Variants in MYO7A observed in about 807,000 individuals in gnomAD.
MYO7A encodes the protein unconventional myosin-VIIa.
In MYO7A, 210 loss-of-function variants were observed where a neutral mutation model predicts 263.8. The ratio of observed to expected loss-of-function variants is 0.80; its 90% CI spans 0.71 to 0.89. The LOEUF (loss-of-function observed/expected upper bound fraction) is 0.89. Among genes scored for constraint, MYO7A ranks in the 40% least tolerant of loss-of-function variants. The pLI, the probability that MYO7A is intolerant of heterozygous loss-of-function variation, is 0.00. For missense variants in MYO7A, 2,820 were observed against 2,968.3 expected, an observed-to-expected ratio of 0.95 and a Z score of 1.16; for synonymous variants, 1,239 against 1,197.3, an observed-to-expected ratio of 1.03 and a Z score of -0.72.
rs1013179496 is a variant in MYO7A at position 77,190,813 on chromosome 11, C to A, written c.3867C>A (p.Asp1289Glu). The A allele has an allele frequency of 2.5e-6, 4 of 1,591,400 alleles. No homozygotes were observed. The highest frequency in any genetic ancestry group is 1.3e-5 in the African/African-American group (1 of 74,318). ...TAKELCNALA[D>E]KISLKDRFGF... ...AGGAGCTCTGCAACGCGCTGGCCGA[C>A]AAGATCTCTCTCAAGGACCGGTTCG... The change falls in exon 30 of 49, where the codon GAC (aspartate) becomes GAA (glutamate). Residue 1289 changes from aspartate to glutamate, a missense_variant. By Grantham distance (45) the Asp-to-Glu change is conservative. Coordinates refer to ENST00000409709, the MANE Select transcript of MYO7A (RefSeq NM_000260.4).
At chr11:77,201,866 G>A in intron 36 of MYO7A, among the ~76,000 whole-genome samples, 1 of 141,354 alleles carries the variant, frequency 7.1e-6, no homozygotes, top group South Asian at 2.6e-4. Flanking sequence ...GGCCGGGGGT[G>A]GGGATTGGAG....
At position 77,156,586 on chromosome 11, in the gene MYO7A, A is replaced by G. The variant is rs532218248; in HGVS notation, c.471-74A>G. 1.3e-5 allele frequency: 21 copies of G among 1,596,188 alleles called. No individual in the cohort carries two copies. In the African/African-American group the frequency reaches 2.1e-4, roughly 16 times the overall value. On this transcript the variant is annotated intron_variant, in intron 5 of 48. Transcript: ENST00000409709. ...AGATGGGGGAGCTGGTGGATGGTGC[A>G]GCCTGGGCTGAGTTCCAGTTGGTGG...
chr11:77,198,999 G>C (rs914613899), intron 34 of MYO7A, among the ~76,000 whole-genome samples: 4 of 152,192 alleles, frequency 2.6e-5, no homozygotes, highest in African/African-American at 9.7e-5. Flanking sequence ...ATAATAGATG[G>C]GAGAGCTCTT....
chr11:77,132,942 G>A (rs1351075683), intron 2 of MYO7A, among the ~76,000 whole-genome samples: 2 of 152,178 alleles, frequency 1.3e-5, no homozygotes, highest in Non-Finnish European at 2.9e-5. Context: ...CCCGGGGCTC[G>A]GGTTCTTTTT....
At chr11:77,187,691 C>T (rs782161163) in intron 27 of MYO7A, among the ~76,000 whole-genome samples, 3 of 152,166 alleles carry the variant, frequency 2.0e-5, no homozygotes, top group Non-Finnish European at 4.4e-5. Flanking sequence ...AAAATCAACT[C>T]AGCTGATGAG....
At chr11:77,141,281 C>A (rs931550003) in intron 2 of MYO7A, among the ~76,000 whole-genome samples, 1 of 152,184 alleles carries the variant, frequency 6.6e-6, no homozygotes, top group Admixed American at 6.5e-5. Context: ...CTTGGACTCA[C>A]TGAGTTCAGC....
intron 45 of MYO7A, 79 bp from the exon 46 acceptor site, chr11:77,211,742 C>A: frequency 8.9e-7 from 1 of 1,125,714 alleles, no homozygotes; most frequent in Non-Finnish European, 1.3e-6. Context: ...GTGGGGAGGA[C>A]TCTGAGCTCT....
intron 15 of MYO7A, among the ~76,000 whole-genome samples, chr11:77,169,162 C>A (rs1353297220): frequency 6.6e-6 from 1 of 152,216 alleles, no homozygotes; most frequent in Non-Finnish European, 1.5e-5. Context: ...ATGCTCCCAT[C>A]AGGATGGAAG....
intron 13 of MYO7A, 143 bp from the exon 14 acceptor site, chr11:77,162,710 G>A (rs1429198246): frequency 4.7e-5 from 50 of 1,063,680 alleles, no homozygotes; most frequent in Non-Finnish European, 6.4e-5. Context: ...GGGGAAATGG[G>A]GTTCCAGAGA....
intron 15 of MYO7A, 63 bp from the exon 16 acceptor site, chr11:77,172,685 G>A (rs1363370752): frequency 1.2e-5 from 19 of 1,541,536 alleles, no homozygotes; most frequent in African/African-American, 2.7e-5. Flanking sequence ...CCTACTGGGC[G>A]GCTCCTGGGA....
intron 16 of MYO7A, among the ~76,000 whole-genome samples, chr11:77,174,413 C>T (rs960556626): frequency 6.6e-6 from 1 of 152,192 alleles, no homozygotes; most frequent in African/African-American, 2.4e-5. Context: ...GGCTTCCAAA[C>T]CTTTGCACAG....
rs142949948 is a variant in MYO7A at position 77,129,084 on chromosome 11, T to C, written c.-47+595T>C. On this transcript the variant is annotated intron_variant, in intron 1 of 48. Coordinates refer to ENST00000409709, the MANE Select transcript of MYO7A (RefSeq NM_000260.4). ...ATGTCTGTCTGGTCATTTTAAAATG[T>C]GGCCCTTAAATTTCACGCCCTCACC... Among the ~76,000 whole-genome samples, 555 of 152,358 alleles carry C rather than the reference T, an allele frequency of 3.6e-3. 3 individuals are homozygous for C. Among genetic ancestry groups the C allele is most frequent in the African/African-American group, 0.013 (536 of 41,584 alleles).
chr11:77,182,543 G>A lies in MYO7A; in HGVS notation c.3228G>A (p.Glu1076=), dbSNP rs1555085540. Residue 1076 remains glutamate (E), a synonymous_variant, in exon 25 of 49, where the codon GAG becomes GAA. Coordinates refer to ENST00000409709, the MANE Select transcript of MYO7A (RefSeq NM_000260.4). ...TCCCTGTGATGACCAAGATTTATGA[G>A]ACCCTGGGCAAGAAGACGTACAAGA... is the stretch of plus-strand genomic sequence containing the variant. The part of the protein sequence containing the change: ...EKIPVMTKIY[E]TLGKKTYKRE... 6.2e-7 allele frequency: 1 copy of A among 1,613,414 alleles called. No individual in the cohort carries two copies. The highest frequency in any genetic ancestry group is 1.1e-5 in the South Asian group (1 of 91,082).
chr11:77,195,770 G>T (rs1956609985), intron 32 of MYO7A, among the ~76,000 whole-genome samples: 1 of 152,200 alleles, frequency 6.6e-6, no homozygotes, highest in South Asian at 2.1e-4. Flanking sequence ...TTGTAGGGTG[G>T]GAGGGTGCAT....
chr11:77,207,106 C>A, intron 41 of MYO7A, 183 bp from the exon 42 acceptor site: 1 of 530,524 alleles, frequency 1.9e-6, no homozygotes, highest in East Asian at 3.0e-5. Flanking sequence ...GAGGAGGAGA[C>A]CTGGGAAGAC....
intron 4 of MYO7A, among the ~76,000 whole-genome samples, chr11:77,151,758 T>C (rs1555057299): frequency 6.6e-6 from 1 of 152,228 alleles, no homozygotes; most frequent in East Asian, 1.9e-4. Context: ...GCTAAGACCT[T>C]GGAGGACCGA....
intron 2 of MYO7A, among the ~76,000 whole-genome samples, chr11:77,133,420 G>A (rs1950823664): frequency 6.6e-6 from 1 of 152,236 alleles, no homozygotes; most frequent in South Asian, 2.1e-4. Context: ...AGATAAATTT[G>A]TGGGCTGTTG....
At chr11:77,195,176 C>T (rs943181372) in intron 32 of MYO7A, among the ~76,000 whole-genome samples, 1 of 152,124 alleles carries the variant, frequency 6.6e-6, no homozygotes, top group East Asian at 1.9e-4. Context: ...TCGTGGCCTC[C>T]GTCCTCACCC....
At chr11:77,207,458 T>TA in intron 42 of MYO7A, 56 bp downstream of exon 42, 1 of 1,240,552 alleles carries the variant, frequency 8.1e-7, no homozygotes, top group Non-Finnish European at 1.2e-6. Flanking sequence ...CATAGGAACT[T>TA]ACGGACAGCA....
Sources: gnomAD v4.1 joint callset for allele counts (sites outside exome capture counted in the v4.1 genomes callset) on GRCh38, gnomAD v4.1.1 for gene constraint, MANE v1.5 for transcripts, NCBI Gene and HGNC (gene_info 2026-07-23, HGNC 2026-07-21) for gene names.